The following ENAH variants were observed in gnomAD, a reference collection of about 807,000 sequenced individuals.
ENAH encodes protein enabled homolog.
Under a neutral mutation model 78.7 loss-of-function variants are expected in ENAH, and 23 were observed. The observed-to-expected ratio is 0.29, with a 90% CI of 0.21 to 0.41. ENAH has a LOEUF of 0.41. Among genes scored for constraint, ENAH ranks in the 10% least tolerant of loss-of-function variants. ENAH has a pLI of 1.00. For missense variants in ENAH, 544 were observed against 691.0 expected, an observed-to-expected ratio of 0.79 and a Z score of 2.39; for synonymous variants, 226 against 241.0, an observed-to-expected ratio of 0.94 and a Z score of 0.58.
chr1:225,498,505 GTTTTT>G (rs951829942), intron 12 of ENAH, 101 bp from the exon 13 acceptor site: 2 of 701,916 alleles, frequency 2.8e-6, no homozygotes, highest in African/African-American at 3.8e-5. Flanking sequence ...ATGATGTGTA[GTTTTT>G]TTTGTTTCCA....
chr1:225,532,286 T>C (rs1282369785), intron 3 of ENAH, among the ~76,000 whole-genome samples: 5 of 152,110 alleles, frequency 3.3e-5, no homozygotes, highest in Admixed American at 2.6e-4. Context: ...ATTTAGGGAA[T>C]GTACTTTATA....
At chr1:225,648,758 C>CTTT (rs57529265) in intron 1 of ENAH, among the ~76,000 whole-genome samples, 6,012 of 134,582 alleles carry the variant, frequency 0.045, 159 homozygotes, top group East Asian at 0.082. Flanking sequence ...AGATTATCTC[C>CTTT]TTTTTTTTTT....
At chr1:225,575,092 C>T (rs892154512) in intron 1 of ENAH, among the ~76,000 whole-genome samples, 2 of 152,164 alleles carry the variant, frequency 1.3e-5, no homozygotes, top group Admixed American at 6.5e-5. Flanking sequence ...ATCACAACAT[C>T]CTACAAATGT....
At chr1:225,606,134 TA>T (rs952453250) in intron 1 of ENAH, among the ~76,000 whole-genome samples, 2 of 151,922 alleles carry the variant, frequency 1.3e-5, no homozygotes, top group Non-Finnish European at 2.9e-5. Flanking sequence ...ATTAGACCAT[TA>T]AAAAAAATAC....
intron 12 of ENAH, among the ~76,000 whole-genome samples, chr1:225,498,685 T>C (rs79914943): frequency 9.3e-4 from 141 of 152,332 alleles, no homozygotes; most frequent in African/African-American, 3.2e-3. Flanking sequence ...AGTCAGATAG[T>C]TTCTAGAAAT....
At chr1:225,598,539 A>ACT (rs1244965299) in intron 1 of ENAH, among the ~76,000 whole-genome samples, 1 of 92,142 alleles carries the variant, frequency 1.1e-5, no homozygotes, top group Non-Finnish European at 3.0e-5. Flanking sequence ...AACATTACTG[A>ACT]GTTTTTTTTA....
chr1:225,533,888 A>ATAT (rs1305194887), intron 3 of ENAH, among the ~76,000 whole-genome samples: 4 of 152,272 alleles, frequency 2.6e-5, no homozygotes, highest in South Asian at 4.1e-4. Flanking sequence ...CGGTGTTATT[A>ATAT]TATACACAAT....
chr1:225,512,846 T>C (rs1290184462), intron 8 of ENAH, 25 bp downstream of exon 8: 2 of 1,611,690 alleles, frequency 1.2e-6, no homozygotes, highest in East Asian at 2.2e-5. Context: ...ATTCTGGGCA[T>C]GTCCATTATA....
intron 1 of ENAH, among the ~76,000 whole-genome samples, chr1:225,592,093 A>G (rs770536557): frequency 2.0e-5 from 3 of 152,238 alleles, no homozygotes; most frequent in Non-Finnish European, 4.4e-5. Flanking sequence ...GGCACATGTT[A>G]GGTACTCAGC....
intron 1 of ENAH, chr1:225,652,435 T>C (rs1212453765): frequency 5.1e-6 from 5 of 984,098 alleles, no homozygotes; most frequent in African/African-American, 1.7e-5. Flanking sequence ...AGGGAAATCC[T>C]GGGTGAAAGA....
intron 3 of ENAH, among the ~76,000 whole-genome samples, chr1:225,542,205 A>T (rs1220699229): frequency 3.3e-5 from 5 of 152,194 alleles, no homozygotes; most frequent in Non-Finnish European, 5.9e-5. Flanking sequence ...TAACAAGAGA[A>T]CTGGACATAA....
chr1:225,519,544 C>A lies in ENAH; in HGVS notation c.456G>T (p.Arg152=). 1 of 1,611,404 alleles carries A rather than the reference C, an allele frequency of 6.2e-7. No homozygotes were observed. Among genetic ancestry groups the A allele is most frequent in the Non-Finnish European group, 8.5e-7 (1 of 1,179,590 alleles). ...GCCTTTCCCGCTCCAGCTCCTTTTG[C>A]CGTTGCTGTTCTTGTAGTTGTCTGG... The part of the protein sequence containing the change: ...IQRRQLQEQQ[R]QKELERERLE... The change falls in exon 5 of 14, where the codon CGG becomes CGT. Residue 152 remains arginine (R), a synonymous_variant. Transcript: ENST00000366843.
chr1:225,541,611 T>C (rs1436492982), intron 3 of ENAH, among the ~76,000 whole-genome samples: 1 of 152,236 alleles, frequency 6.6e-6, no homozygotes, highest in African/African-American at 2.4e-5. Context: ...CATCTGTTCT[T>C]CATCTCACAA....
intron 4 of ENAH, among the ~76,000 whole-genome samples, chr1:225,522,601 AT>A (rs1323518354): frequency 6.6e-6 from 1 of 152,184 alleles, no homozygotes. Flanking sequence ...ATTCAAAAGA[AT>A]GTTTTTAATA....
chr1:225,539,230 G>A (rs1456556513), intron 3 of ENAH, among the ~76,000 whole-genome samples: 1 of 151,996 alleles, frequency 6.6e-6, no homozygotes, highest in Non-Finnish European at 1.5e-5. Flanking sequence ...TCTCTCCATT[G>A]CTACTGTTCT....
Position 225,489,960 on chromosome 1 carries a change from TAAC to T in ENAH, c.*7812_*7814del, listed in dbSNP as rs2096214996. 6.6e-6 allele frequency: 1 copy of T among 151,494 alleles called. No homozygotes were observed. The highest frequency in any genetic ancestry group is 2.4e-5 in the African/African-American group (1 of 41,184). 9.4% of individuals were successfully genotyped at this position (151,494 alleles called of 1,614,324 possible). On this transcript the variant is annotated 3_prime_UTR_variant, in exon 14 of 14. Transcript: ENST00000366843. ...CGAGACTGTCTCGAAATAATAATAA[TAAC>T]AATAATAATAAAAAGCTTTATCTAT... is the stretch of plus-strand genomic sequence containing the variant.
At chr1:225,586,352 T>A (rs781088383) in intron 1 of ENAH, among the ~76,000 whole-genome samples, 6 of 150,660 alleles carry the variant, frequency 4.0e-5, no homozygotes, top group Non-Finnish European at 7.4e-5. Flanking sequence ...AAGAAATTGA[T>A]ATATGAAGCT....
chr1:225,648,239 A>G (rs1406446628), intron 1 of ENAH, among the ~76,000 whole-genome samples: 2 of 152,236 alleles, frequency 1.3e-5, no homozygotes, highest in Non-Finnish European at 1.5e-5. Context: ...AAGTTGGCAC[A>G]AGTAGGGTTT....
At position 225,486,881 on chromosome 1, in the gene ENAH, A is replaced by G. The variant is rs918766914; in HGVS notation, c.*10894T>C. ...TTCAAAAGAAAAAAGGATACCAAGA[A>G]GCAGAAGAATGAAGCAGTTAAAACC... On this transcript the variant is annotated 3_prime_UTR_variant, in exon 14 of 14. Transcript: ENST00000366843. 6.5e-6 allele frequency: 1 copy of G among 152,724 alleles called. No individual in the cohort carries two copies. The highest frequency in any genetic ancestry group is 1.5e-5 in the Non-Finnish European group (1 of 68,052). 9.5% of individuals were successfully genotyped at this position (152,724 alleles called of 1,614,324 possible). A position where few individuals can be genotyped will look rare whatever the true frequency, so the allele number is the denominator to read the frequency against.
Sources: gnomAD v4.1 joint callset for allele counts (sites outside exome capture counted in the v4.1 genomes callset) on GRCh38, gnomAD v4.1.1 for gene constraint, MANE v1.5 for transcripts, NCBI Gene and HGNC (gene_info 2026-07-23, HGNC 2026-07-21) for gene names.